The following GPHN variants were observed in gnomAD, a reference collection of about 807,000 sequenced individuals.
GPHN encodes gephyrin.
Under a neutral mutation model 95.5 loss-of-function variants are expected in GPHN, and 17 were observed. The observed-to-expected ratio is 0.18, with a 90% CI of 0.12 to 0.27. The LOEUF (loss-of-function observed/expected upper bound fraction) is 0.27, where lower values mean the gene tolerates loss of function less well. Ranked by LOEUF, GPHN falls within the 10% of genes least tolerant of loss-of-function variation. The pLI is 1.00. For synonymous variants in GPHN, 320 were observed against 322.5 expected, an observed-to-expected ratio of 0.99 and a Z score of 0.08; for missense variants, 660 against 978.1, an observed-to-expected ratio of 0.67 and a Z score of 4.34.
intron 1 of GPHN, among the ~76,000 whole-genome samples, chr14:66,665,848 C>A (rs2065918278): frequency 6.6e-6 from 1 of 152,108 alleles, no homozygotes; most frequent in Non-Finnish European, 1.5e-5. Flanking sequence ...CTTGGAACCT[C>A]CCCAAATGTC....
At chr14:67,625,859 CA>C in the GPHN span, among the ~76,000 whole-genome samples, 6 of 151,798 alleles carry the variant, frequency 4.0e-5, no homozygotes. Context: ...CGTAAAAAGA[CA>C]ACCAAATTTA....
intron 9 of GPHN, among the ~76,000 whole-genome samples, chr14:67,011,748 C>T (rs1225459595): frequency 6.6e-6 from 1 of 151,888 alleles, no homozygotes; most frequent in Admixed American, 6.6e-5. Context: ...TATAGTATAA[C>T]TTTAATGATT....
rs562439952 is a variant in GPHN at position 66,986,526 on chromosome 14, G to T, written c.963+21201G>T. Among the ~76,000 whole-genome samples, 11 of 152,146 alleles carry T rather than the reference G, an allele frequency of 7.2e-5. 1 individual carries two copies. The South Asian group carries it at 2.3e-3, about 32-fold the overall frequency. Reference sequence around the variant, plus strand: ...TCAAACATTTAATCATAATGAAAAGGTAAATAAGTTATCACTCTTATGAAA... The same window carrying T: ...TCAAACATTTAATCATAATGAAAAGTTAAATAAGTTATCACTCTTATGAAA... On this transcript the variant is annotated intron_variant, in intron 9 of 22. Transcript: ENST00000478722.
the GPHN span, among the ~76,000 whole-genome samples, chr14:67,238,729 G>T: frequency 5.9e-5 from 9 of 151,620 alleles, no homozygotes; most frequent in East Asian, 1.6e-3. Context: ...CTGCAGCATC[G>T]ACCTCCCAGG....
the GPHN span, among the ~76,000 whole-genome samples, chr14:67,243,119 T>G: frequency 6.6e-6 from 1 of 152,200 alleles, no homozygotes; most frequent in East Asian, 1.9e-4. Flanking sequence ...TTCTCTGATA[T>G]TTTCTGATTT....
chr14:66,747,061 C>T (rs998332922), intron 2 of GPHN, among the ~76,000 whole-genome samples: 3 of 152,186 alleles, frequency 2.0e-5, no homozygotes, highest in Admixed American at 6.5e-5. Flanking sequence ...ACTCACACCA[C>T]ATAGTGCTCA....
At chr14:66,728,518 C>T (rs1043020752) in intron 2 of GPHN, among the ~76,000 whole-genome samples, 3 of 152,228 alleles carry the variant, frequency 2.0e-5, no homozygotes, top group Non-Finnish European at 4.4e-5. Context: ...CCATAGGAAC[C>T]CACCTTTTGC....
intron 1 of GPHN, among the ~76,000 whole-genome samples, chr14:66,529,801 C>T (rs1335148064): frequency 6.6e-6 from 1 of 152,156 alleles, no homozygotes; most frequent in Non-Finnish European, 1.5e-5. Context: ...GTGGAGGCTG[C>T]AGAATGGTAA....
At chr14:67,645,691 T>C in the GPHN span, 1 of 1,613,908 alleles carries the variant, frequency 6.2e-7, no homozygotes, top group Non-Finnish European at 8.5e-7. Context: ...GCCCAGACCT[T>C]TGTGTTGTCT....
At chr14:66,916,487 T>G (rs944530069) in intron 6 of GPHN, among the ~76,000 whole-genome samples, 75 of 151,590 alleles carry the variant, frequency 4.9e-4, no homozygotes, top group African/African-American at 1.6e-3. Flanking sequence ...AGTTTTTTTT[T>G]TTTTTTTTGG....
At chr14:67,344,712 C>T in the GPHN span, among the ~76,000 whole-genome samples, 1 of 151,446 alleles carries the variant, frequency 6.6e-6, no homozygotes, top group East Asian at 1.9e-4. Flanking sequence ...GACCTCATCT[C>T]AACTAAAAAA....
At chr14:67,666,582 A>G in the GPHN span, among the ~76,000 whole-genome samples, 3 of 152,250 alleles carry the variant, frequency 2.0e-5, no homozygotes, top group African/African-American at 7.2e-5. Context: ...ACTGATCTCT[A>G]CCCAACTGAG....
intron 11 of GPHN, among the ~76,000 whole-genome samples, chr14:67,071,994 A>T (rs1482674634): frequency 6.6e-6 from 1 of 152,100 alleles, no homozygotes; most frequent in Non-Finnish European, 1.5e-5. Flanking sequence ...AATAAGGTAC[A>T]GTCTTTAGAT....
chr14:66,996,865 C>G (rs1440922075), intron 9 of GPHN, among the ~76,000 whole-genome samples: 1 of 151,898 alleles, frequency 6.6e-6, no homozygotes, highest in African/African-American at 2.4e-5. Context: ...GAAATTTGGC[C>G]TATTTTCCTT....
At chr14:66,884,168 A>G (rs1008433782) in intron 5 of GPHN, among the ~76,000 whole-genome samples, 7 of 152,068 alleles carry the variant, frequency 4.6e-5, no homozygotes, top group African/African-American at 1.7e-4. Flanking sequence ...TCCATTAGCC[A>G]AAGAGATAGG....
At chr14:67,013,874 A>G (rs982277878) in intron 9 of GPHN, among the ~76,000 whole-genome samples, 13 of 152,088 alleles carry the variant, frequency 8.5e-5, no homozygotes, top group African/African-American at 2.7e-4. Flanking sequence ...TTCAAACTTC[A>G]TGCTTAATGA....
At chr14:66,681,288 T>G in intron 2 of GPHN, 103 bp downstream of exon 2, 1 of 763,062 alleles carries the variant, frequency 1.3e-6, no homozygotes, top group Non-Finnish European at 2.2e-6. Context: ...GGTACAACAA[T>G]TTTTTCTTTT....
At chr14:67,116,068 G>A (rs1181113044) in intron 16 of GPHN, among the ~76,000 whole-genome samples, 6 of 152,190 alleles carry the variant, frequency 3.9e-5, no homozygotes, top group Admixed American at 2.0e-4. Context: ...TTGGGAGGCC[G>A]AGATGGGTAG....
the GPHN span, chr14:67,610,943 GGGCAGCA>G: frequency 6.6e-6 from 1 of 151,940 alleles, no homozygotes; most frequent in Non-Finnish European, 1.5e-5. Context: ...GTTTTTTTCA[GGGCAGCA>G]GGCAAGAAGA....
Sources: gnomAD v4.1 joint callset for allele counts (sites outside exome capture counted in the v4.1 genomes callset) on GRCh38, gnomAD v4.1.1 for gene constraint, MANE v1.5 for transcripts, NCBI Gene and HGNC (gene_info 2026-07-23, HGNC 2026-07-21) for gene names.